PCDHA3: variants seen among roughly 807,000 people sequenced by gnomAD.
PCDHA3 encodes the protein protocadherin alpha 3.
A neutral mutation model predicts 62.2 loss-of-function variants in PCDHA3; 41 were observed. That is an observed-to-expected ratio of 0.66 (90% CI 0.51 to 0.86). The LOEUF (loss-of-function observed/expected upper bound fraction) is 0.86. PCDHA3 is among the 40% of genes least tolerant of loss of function. The pLI is 0.00. For synonymous variants in PCDHA3, 640 were observed against 555.4 expected (o/e 1.15, Z -2.14); for missense variants, 1,304 against 1,241.2 (o/e 1.05, Z -0.76).
In PCDHA3 at chr5:140,802,643, G is replaced by A. The variant is rs151289883; in HGVS notation, c.1446G>A (p.Ala482=). 5.0e-6 allele frequency: 8 copies of A among 1,613,746 alleles called. No homozygotes were observed. Among genetic ancestry groups the A allele is most frequent in the Non-Finnish European group, 6.8e-6 (8 of 1,179,880 alleles). ...CHIFTVSARD[A]DAQENALVSY... ...TCTTCACGGTGTCTGCGCGGGACGC[G>A]GACGCGCAGGAGAACGCCCTGGTGT... Residue 482 remains alanine (A), a synonymous_variant, in exon 1 of 4, where the codon GCG becomes GCA. Coordinates refer to ENST00000522353, the MANE Select transcript of PCDHA3 (RefSeq NM_018906.3).
intron 1 of PCDHA3, chr5:140,883,009 T>C (rs782092684): frequency 1.2e-6 from 2 of 1,614,126 alleles, no homozygotes; most frequent in South Asian, 2.2e-5. Flanking sequence ...AATCCGTTTA[T>C]AAAGTGACGG....
rs1554135389 is a variant in PCDHA3 at position 140,835,887 on chromosome 5, C to T, written c.2394+32296C>T. The T allele has an allele frequency of 3.7e-6, 6 of 1,611,898 alleles. No homozygotes were observed. In the East Asian group the frequency reaches 1.1e-4, roughly 30 times the overall value. ...GCTGGTGGAGCTGCGGGTGGGCGAG[C>T]GCGCGCTGTCGAGCTACGTGTCAGT... is the stretch of plus-strand genomic sequence containing the variant. On this transcript the variant is annotated intron_variant, in intron 1 of 3. Transcript: ENST00000522353.
At chr5:140,861,334 A>G in intron 1 of PCDHA3, 1 of 250,308 alleles carries the variant, frequency 4.0e-6, no homozygotes, top group Non-Finnish European at 8.2e-6. Context: ...CCATCCTGGA[A>G]GAGGCCAAGG....
chr5:140,856,877 A>G, intron 1 of PCDHA3: 1 of 1,595,914 alleles, frequency 6.3e-7, no homozygotes, highest in Non-Finnish European at 8.6e-7. Flanking sequence ...CAAGGAAATG[A>G]TGTATTCATT....
intron 1 of PCDHA3, chr5:140,828,124 G>A (rs1769541261): frequency 1.9e-6 from 3 of 1,613,068 alleles, no homozygotes; most frequent in Non-Finnish European, 2.5e-6. Context: ...GATTGGGAAA[G>A]CAATGTCTGC....
At chr5:140,919,404 T>C (rs1554199054) in intron 1 of PCDHA3, among the ~76,000 whole-genome samples, 1 of 152,218 alleles carries the variant, frequency 6.6e-6, no homozygotes, top group African/African-American at 2.4e-5. Context: ...TCCTAAAAAC[T>C]CTAGACTGAC....
chr5:140,993,460 TCTCACACACACA>T (rs2097560533), intron 3 of PCDHA3, among the ~76,000 whole-genome samples: 2 of 104,506 alleles, frequency 1.9e-5, no homozygotes, highest in South Asian at 3.7e-4. Context: ...CTTCTTTCTT[TCTCACACACACA>T]CACACACACA....
At chr5:140,968,467 A>T in intron 1 of PCDHA3, 1 of 1,614,124 alleles carries the variant, frequency 6.2e-7, no homozygotes, top group East Asian at 2.2e-5. Flanking sequence ...CTGCCAACGT[A>T]TATGTGGTGG....
At chr5:140,996,752 G>T (rs1454271001) in intron 3 of PCDHA3, among the ~76,000 whole-genome samples, 4 of 152,090 alleles carry the variant, frequency 2.6e-5, no homozygotes, top group African/African-American at 7.2e-5. Context: ...AATTATATCT[G>T]TGCAGGACTA....
At chr5:140,812,281 A>G (rs1488791435) in intron 1 of PCDHA3, 2 of 151,894 alleles carry the variant, frequency 1.3e-5, no homozygotes, top group African/African-American at 4.8e-5. Context: ...CTTCTAGGTT[A>G]TTGAATTTTT....
intron 1 of PCDHA3, among the ~76,000 whole-genome samples, chr5:140,900,279 C>A (rs2067883641): frequency 6.6e-6 from 1 of 151,672 alleles, no homozygotes. Flanking sequence ...ATGTACCACA[C>A]TTTCTTTTCT....
chr5:140,817,760 A>C (rs1766196831), intron 1 of PCDHA3, among the ~76,000 whole-genome samples: 2 of 152,206 alleles, frequency 1.3e-5, no homozygotes, highest in African/African-American at 4.8e-5. Context: ...TTCTGAAGAA[A>C]TTAACATTTC....
At chr5:140,993,543 G>C (rs1263683239) in intron 3 of PCDHA3, among the ~76,000 whole-genome samples, 1 of 151,590 alleles carries the variant, frequency 6.6e-6, no homozygotes, top group Non-Finnish European at 1.5e-5. Context: ...GAGAGATAGA[G>C]AAGTGAAGTA....
intron 1 of PCDHA3, chr5:140,926,893 A>G: frequency 1.3e-6 from 2 of 1,547,320 alleles, no homozygotes; most frequent in Non-Finnish European, 1.7e-6. Context: ...TAGAGGGAGG[A>G]TGGTGGGCTG....
At chr5:140,938,336 A>G (rs1251086891) in intron 1 of PCDHA3, among the ~76,000 whole-genome samples, 1 of 152,204 alleles carries the variant, frequency 6.6e-6, no homozygotes, top group African/African-American at 2.4e-5. Context: ...ATGTTAATGG[A>G]TAATCTTGTC....
rs575381539 is a variant in PCDHA3, at chr5:140,952,919, T to TGAGCAG, written c.2395-26018_2395-26013dup. On this transcript the variant is annotated intron_variant, in intron 1 of 3. Coordinates refer to ENST00000522353, the MANE Select transcript of PCDHA3 (RefSeq NM_018906.3). ...GGAATCAAGCTCATCTTACATGGCA[T>TGAGCAG]GAGCAGGAGCAGGAGCAAGAGAGAG... 2.3e-3 allele frequency among the ~76,000 whole-genome samples: 343 copies of TGAGCAG among 152,172 alleles called. 1 individual carries two copies. Among genetic ancestry groups the TGAGCAG allele is most frequent in the African/African-American group, 7.9e-3 (326 of 41,516 alleles).
intron 1 of PCDHA3, chr5:140,882,955 C>T: frequency 6.2e-7 from 1 of 1,614,178 alleles, no homozygotes; most frequent in East Asian, 2.2e-5. Context: ...TTCAGCTGCT[C>T]ATCACGATTC....
intron 1 of PCDHA3, chr5:140,928,862 G>A (rs1554206427): frequency 1.2e-6 from 2 of 1,614,166 alleles, no homozygotes; most frequent in Admixed American, 1.7e-5. Context: ...GTGCTGTTGA[G>A]CAACTCTGTC....
chr5:140,871,658 C>A, intron 1 of PCDHA3: 1 of 1,224,214 alleles, frequency 8.2e-7, no homozygotes, highest in Non-Finnish European at 1.1e-6. Flanking sequence ...TGATACACAT[C>A]TTCAGTCTTT....
Sources: gnomAD v4.1 joint callset for allele counts (sites outside exome capture counted in the v4.1 genomes callset) on GRCh38, gnomAD v4.1.1 for gene constraint, MANE v1.5 for transcripts, NCBI Gene and HGNC (gene_info 2026-07-23, HGNC 2026-07-21) for gene names.